Variants in SPIRE1 observed in about 807,000 individuals in gnomAD.
The protein encoded by SPIRE1 is spire type actin nucleation factor 1, also known as protein spire homolog 1.
A neutral mutation model predicts 94.1 loss-of-function variants in SPIRE1; 40 were observed. That is an observed-to-expected ratio of 0.43 (90% confidence interval 0.33 to 0.55). The LOEUF (loss-of-function observed/expected upper bound fraction) is 0.55. Among genes scored for constraint, SPIRE1 ranks in the 20% least tolerant of loss-of-function variants. SPIRE1 has a pLI of 0.06. For missense variants in SPIRE1, 838 were observed against 975.2 expected, an observed-to-expected ratio of 0.86 and a Z score of 1.87; for synonymous variants, 376 against 371.7, an observed-to-expected ratio of 1.01 and a Z score of -0.13.
chr18:12,497,946 GA>G (rs2033519697), intron 6 of SPIRE1, among the ~76,000 whole-genome samples: 1 of 152,150 alleles, frequency 6.6e-6, no homozygotes, highest in Non-Finnish European at 1.5e-5. Context: ...TCAGTAGTCA[GA>G]AGCTGTATCC....
intron 10 of SPIRE1, among the ~76,000 whole-genome samples, chr18:12,470,539 A>G (rs1207713835): frequency 2.0e-5 from 3 of 152,146 alleles, no homozygotes; most frequent in Non-Finnish European, 2.9e-5. Flanking sequence ...CTCTGCTAGC[A>G]TATCTTGGGT....
intron 2 of SPIRE1, among the ~76,000 whole-genome samples, chr18:12,630,903 T>C (rs1474156071): frequency 2.6e-5 from 4 of 152,160 alleles, no homozygotes; most frequent in African/African-American, 9.7e-5. Flanking sequence ...AGAAAAACAA[T>C]TTGTTTTGCT....
At chr18:12,574,210 A>C (rs2144491174) in intron 2 of SPIRE1, among the ~76,000 whole-genome samples, 1 of 152,312 alleles carries the variant, frequency 6.6e-6, no homozygotes, top group East Asian at 1.9e-4. Flanking sequence ...TTTTTCTGTA[A>C]ACCTAAAACT....
chr18:12,658,129 C>CCGCCTCGCCT, upstream of SPIRE1: 2 of 951,482 alleles, frequency 2.1e-6, no homozygotes, highest in Non-Finnish European at 2.5e-6. Flanking sequence ...CCGCCCCGCC[C>CCGCCTCGCCT]CGCCTCGCGC....
chr18:12,577,621 A>G (rs1049030823), intron 2 of SPIRE1, among the ~76,000 whole-genome samples: 3 of 152,218 alleles, frequency 2.0e-5, no homozygotes, highest in African/African-American at 7.2e-5. Context: ...CACAAGATAC[A>G]TAAAAACACT....
chr18:12,521,263 G>A (rs1478918233), intron 4 of SPIRE1, among the ~76,000 whole-genome samples: 1 of 151,976 alleles, frequency 6.6e-6, no homozygotes, highest in Non-Finnish European at 1.5e-5. Context: ...TTCTTGCATA[G>A]GGCTAACTGA....
intron 10 of SPIRE1, among the ~76,000 whole-genome samples, chr18:12,467,477 T>C (rs2032162452): frequency 6.6e-6 from 1 of 152,124 alleles, no homozygotes; most frequent in African/African-American, 2.4e-5. Flanking sequence ...AGACAAGAAA[T>C]AAAAGCAGAG....
intron 6 of SPIRE1, among the ~76,000 whole-genome samples, chr18:12,498,777 C>T (rs2033555083): frequency 6.6e-6 from 1 of 152,140 alleles, no homozygotes; most frequent in Admixed American, 6.5e-5. Context: ...CAGGTGTGAA[C>T]CACCATCCCC....
intron 12 of SPIRE1, among the ~76,000 whole-genome samples, chr18:12,458,008 C>A (rs2031602918): frequency 6.6e-6 from 1 of 151,734 alleles, no homozygotes; most frequent in Admixed American, 6.6e-5. Context: ...CTGAGCCCAG[C>A]TAATTTTTTG....
intron 8 of SPIRE1, among the ~76,000 whole-genome samples, chr18:12,489,408 C>T (rs1381466626): frequency 3.3e-5 from 5 of 152,010 alleles, no homozygotes; most frequent in African/African-American, 1.2e-4. Flanking sequence ...CTTTTTTTCT[C>T]TAGCACTTGA....
chr18:12,489,240 A>T (rs1172183266), intron 8 of SPIRE1, among the ~76,000 whole-genome samples: 1 of 152,210 alleles, frequency 6.6e-6, no homozygotes, highest in Non-Finnish European at 1.5e-5. Context: ...TTTTCTAAAA[A>T]GTAAAGAAAA....
At chr18:12,633,464 G>A (rs1178490295) in intron 2 of SPIRE1, among the ~76,000 whole-genome samples, 2 of 151,748 alleles carry the variant, frequency 1.3e-5, no homozygotes, top group East Asian at 1.9e-4. Context: ...TAGTCCCAGC[G>A]ACTCGGGAAG....
intron 2 of SPIRE1, among the ~76,000 whole-genome samples, chr18:12,628,455 T>G (rs2037690178): frequency 6.6e-6 from 1 of 152,214 alleles, no homozygotes; most frequent in Non-Finnish European, 1.5e-5. Flanking sequence ...ACTGTAGCCT[T>G]GTAGTATAGT....
At chr18:12,481,588 C>G (rs1391428492) in intron 9 of SPIRE1, among the ~76,000 whole-genome samples, 1 of 151,790 alleles carries the variant, frequency 6.6e-6, no homozygotes, top group African/African-American at 2.4e-5. Context: ...GAAGGAAGAA[C>G]AGCTGTCCAT....
intron 2 of SPIRE1, among the ~76,000 whole-genome samples, chr18:12,598,643 C>CT (rs2036746282): frequency 6.6e-6 from 1 of 152,100 alleles, no homozygotes; most frequent in Non-Finnish European, 1.5e-5. Context: ...ATTAAAATGA[C>CT]TGAAAAGGCA....
At chr18:12,650,243 AAAAT>A (rs1396806377) in intron 1 of SPIRE1, among the ~76,000 whole-genome samples, 14 of 152,008 alleles carry the variant, frequency 9.2e-5, no homozygotes, top group Admixed American at 2.0e-4. Context: ...TGTCTCAAAA[AAAAT>A]AAATAAACAA....
chr18:12,478,689 G>A (rs1000844946), intron 10 of SPIRE1, among the ~76,000 whole-genome samples: 1 of 151,922 alleles, frequency 6.6e-6, no homozygotes, highest in African/African-American at 2.4e-5. Flanking sequence ...GGAGAAGGGA[G>A]GGAAGAAGAG....
intron 2 of SPIRE1, among the ~76,000 whole-genome samples, chr18:12,582,033 T>G (rs1247488419): frequency 6.6e-6 from 1 of 152,196 alleles, no homozygotes; most frequent in Non-Finnish European, 1.5e-5. Flanking sequence ...CAAATGAATT[T>G]CCTAACTCCA....
chr18:12,462,116 C>G (rs962278727), intron 12 of SPIRE1, among the ~76,000 whole-genome samples: 7 of 152,124 alleles, frequency 4.6e-5, no homozygotes, highest in Non-Finnish European at 8.8e-5. Context: ...GGTGATTATT[C>G]TGGAGCTAGA....
Sources: allele counts gnomAD v4.1 joint callset (sites outside exome capture counted in the v4.1 genomes callset), GRCh38; gene constraint gnomAD v4.1.1; transcripts MANE v1.5; gene names NCBI Gene and HGNC (gene_info 2026-07-23, HGNC 2026-07-21).